The following ROBO1 variants were observed in gnomAD, a reference collection of about 807,000 sequenced individuals.
ROBO1 encodes roundabout homolog 1.
A neutral mutation model predicts 195.9 loss-of-function variants in ROBO1; 149 were observed. The ratio of observed to expected loss-of-function variants is 0.76; its 90% confidence interval spans 0.67 to 0.87. ROBO1 has a LOEUF of 0.87. Among genes scored for constraint, ROBO1 ranks in the 40% least tolerant of loss-of-function variants. ROBO1 has a pLI of 0.00. For missense variants in ROBO1, 1,933 were observed against 2,068.3 expected (o/e 0.93, Z 1.27); for synonymous variants, 816 against 733.2 (o/e 1.11, Z -1.82).
intron 4 of ROBO1, among the ~76,000 whole-genome samples, chr3:78,896,933 A>G (rs1181889709): frequency 6.6e-6 from 1 of 152,200 alleles, no homozygotes; most frequent in Non-Finnish European, 1.5e-5. Flanking sequence ...CTACACAGAA[A>G]TAATTCTTAG....
intron 4 of ROBO1, among the ~76,000 whole-genome samples, chr3:78,788,354 G>A (rs1463683370): frequency 6.9e-6 from 1 of 144,718 alleles, no homozygotes; most frequent in Non-Finnish European, 1.5e-5. Context: ...TCCTGACCTC[G>A]TGATCCACCC....
At chr3:79,224,351 G>A (rs1434601245) in intron 2 of ROBO1, among the ~76,000 whole-genome samples, 1 of 152,120 alleles carries the variant, frequency 6.6e-6, no homozygotes, top group Non-Finnish European at 1.5e-5. Flanking sequence ...CTTAATTTTT[G>A]CAGTTGCTGA....
At chr3:79,713,300 T>C (rs1576270197) in intron 1 of ROBO1, among the ~76,000 whole-genome samples, 2 of 152,188 alleles carry the variant, frequency 1.3e-5, no homozygotes, top group Admixed American at 1.3e-4. Flanking sequence ...GAGATACACT[T>C]CATAGGGTTA....
intron 2 of ROBO1, among the ~76,000 whole-genome samples, chr3:79,236,203 C>A (rs915439899): frequency 6.6e-6 from 1 of 152,058 alleles, no homozygotes; most frequent in African/African-American, 2.4e-5. Context: ...AAATAAATCA[C>A]GATTCCTAGT....
chr3:78,884,662 AGG>A, intron 4 of ROBO1, among the ~76,000 whole-genome samples: 1 of 124,590 alleles, frequency 8.0e-6, no homozygotes, highest in Non-Finnish European at 1.7e-5. Context: ...GAAGGAAGGA[AGG>A]AAGGAAGGAA....
At chr3:79,700,309 GTGTGTGTT>G (rs761980808) in intron 1 of ROBO1, among the ~76,000 whole-genome samples, 44 of 88,440 alleles carry the variant, frequency 5.0e-4, no homozygotes, top group Non-Finnish European at 6.9e-4. Context: ...GTGTTTGTGT[GTGTGTGTT>G]TGTGTGTGTG....
At chr3:78,638,267 G>A (rs949065342) in intron 22 of ROBO1, among the ~76,000 whole-genome samples, 2 of 136,326 alleles carry the variant, frequency 1.5e-5, no homozygotes, top group African/African-American at 5.6e-5. Flanking sequence ...ATATGTATAT[G>A]TGTATATATA....
chr3:79,187,119 A>G (rs1370070004), intron 2 of ROBO1, among the ~76,000 whole-genome samples: 1 of 152,080 alleles, frequency 6.6e-6, no homozygotes, highest in Non-Finnish European at 1.5e-5. Context: ...TCCTTTAAAT[A>G]TCTTTTTAAA....
chr3:79,342,802 A>T (rs772477604), intron 2 of ROBO1, among the ~76,000 whole-genome samples: 38 of 152,186 alleles, frequency 2.5e-4, no homozygotes, highest in Admixed American at 6.5e-4. Flanking sequence ...CAGTATCAAC[A>T]TCCCTTATCA....
intron 4 of ROBO1, among the ~76,000 whole-genome samples, chr3:78,804,381 C>T (rs910566937): frequency 6.6e-5 from 10 of 151,960 alleles, no homozygotes; most frequent in African/African-American, 1.9e-4. Context: ...ATTTCTCAAG[C>T]GTTTTAGGTT....
Position 78,635,956 on chromosome 3 carries a change from C to G in ROBO1, c.3190G>C (p.Val1064Leu). ...GGAGTAGGCTGCCCTGATGGATTGA[C>G]AAAACGCCCATCCTTCAGATTTGGG... is the stretch of plus-strand genomic sequence containing the variant. ...NSPNLKDGRF[V>L]NPSGQPTPYA... Residue 1064 changes from valine (V) to leucine (L), a missense_variant, in exon 23 of 31, where the codon GTC (valine) becomes CTC (leucine). By Grantham distance (32) the Val-to-Leu change is conservative. This residue lies in a region of ROBO1 where 1,737 missense variants were observed against 1,882.5 expected (regional missense o/e 0.92). Coordinates refer to ENST00000464233, the MANE Select transcript of ROBO1 (RefSeq NM_002941.4). 1 of 1,613,926 alleles carries G rather than the reference C, an allele frequency of 6.2e-7. No individual in the cohort carries two copies. The highest frequency in any genetic ancestry group is 8.5e-7 in the Non-Finnish European group (1 of 1,179,850).
In ROBO1 at chr3:79,637,153, T is replaced by G. The variant is rs77236900; in HGVS notation, c.-50-47192A>C. On this transcript the variant is annotated intron_variant, in intron 1 of 30. Coordinates refer to ENST00000464233, the MANE Select transcript of ROBO1 (RefSeq NM_002941.4). ...ATGAACATTTCCACTATCACGGAAGTTCTACTGGACAGCCCTGAAATAGAA... is the reference window on the plus strand; with the variant it reads ...ATGAACATTTCCACTATCACGGAAGGTCTACTGGACAGCCCTGAAATAGAA... Among the ~76,000 whole-genome samples, 103 of 152,300 alleles carry G rather than the reference T, an allele frequency of 6.8e-4. 4 individuals are homozygous for G. The East Asian group carries it at 0.017, about 25-fold the overall frequency.
In ROBO1 at chr3:79,146,743, G is replaced by A. The variant is rs536974081; in HGVS notation, c.89-21204C>T. The stretch of plus-strand genomic sequence containing the variant: ...TTAAAGACAGTGTTGAAAGAAAAAA[G>A]CACATAGGACAAAATAGAAAATGCT... On this transcript the variant is annotated intron_variant, in intron 2 of 30. Transcript: ENST00000464233. Among the ~76,000 whole-genome samples, 3 of 151,934 alleles carry A rather than the reference G, an allele frequency of 2.0e-5. No individual in the cohort carries two copies. In the East Asian group the frequency reaches 5.8e-4, roughly 30 times the overall value.
intron 4 of ROBO1, among the ~76,000 whole-genome samples, chr3:78,849,895 C>T (rs1380448692): frequency 6.6e-6 from 1 of 150,854 alleles, no homozygotes; most frequent in Admixed American, 6.6e-5. Flanking sequence ...CACTGCATAA[C>T]AATGTTTTAG....
chr3:78,907,817 T>C (rs961126671), intron 4 of ROBO1, among the ~76,000 whole-genome samples: 1 of 151,942 alleles, frequency 6.6e-6, no homozygotes, highest in Non-Finnish European at 1.5e-5. Context: ...AGAAGGTACA[T>C]TAAGAAAAAC....
chr3:79,355,105 G>T (rs2035494623), intron 2 of ROBO1, among the ~76,000 whole-genome samples: 1 of 152,056 alleles, frequency 6.6e-6, no homozygotes, highest in Admixed American at 6.6e-5. Flanking sequence ...GGTGGAGCTT[G>T]CAGTGAGCCG....
chr3:78,762,893 C>T (rs1226655399), intron 4 of ROBO1, among the ~76,000 whole-genome samples: 1 of 151,912 alleles, frequency 6.6e-6, no homozygotes, highest in Non-Finnish European at 1.5e-5. Flanking sequence ...GAACAAAAAA[C>T]CACAACCACT....
intron 3 of ROBO1, among the ~76,000 whole-genome samples, chr3:78,944,693 G>A (rs946616351): frequency 1.5e-4 from 23 of 152,338 alleles, no homozygotes; most frequent in Admixed American, 1.2e-3. Context: ...CGCACCGTGT[G>A]CGAGTCAAAC....
chr3:79,037,766 CA>C (rs1287767798), intron 3 of ROBO1, among the ~76,000 whole-genome samples: 1 of 152,070 alleles, frequency 6.6e-6, no homozygotes, highest in Admixed American at 6.5e-5. Context: ...GTAAATTGGA[CA>C]TATATATTTT....
Sources: allele counts gnomAD v4.1 joint callset (sites outside exome capture counted in the v4.1 genomes callset), GRCh38; gene constraint gnomAD v4.1.1; regional missense constraint gnomAD v4.1.1; transcripts MANE v1.5; gene names NCBI Gene and HGNC (gene_info 2026-07-23, HGNC 2026-07-21).